Variants in DDX55 observed in about 807,000 individuals in gnomAD.
DDX55 encodes ATP-dependent RNA helicase DDX55.
In DDX55, 56 loss-of-function variants were observed where a neutral mutation model predicts 69.2. The ratio of observed to expected loss-of-function variants is 0.81; its 90% confidence interval spans 0.65 to 1.01. The LOEUF (loss-of-function observed/expected upper bound fraction) is 1.01, where lower values mean the gene tolerates loss of function less well. DDX55 is among the 50% of genes least tolerant of loss of function. DDX55 has a pLI of 0.00. For missense variants in DDX55, 720 were observed against 745.1 expected, an observed-to-expected ratio of 0.97 and a Z score of 0.39; for synonymous variants, 268 against 273.1, an observed-to-expected ratio of 0.98 and a Z score of 0.18.
intron 8 of DDX55, 52 bp downstream of exon 8, chr12:123,613,304 C>T: frequency 6.4e-7 from 1 of 1,564,902 alleles, no homozygotes; most frequent in Non-Finnish European, 8.8e-7. Flanking sequence ...CCAGAATGTG[C>T]AGGTGCATGC....
At position 123,620,576 on chromosome 12, in the gene DDX55, CATATT is replaced by C. The variant is rs1226138918; in HGVS notation, c.*441_*445del. On this transcript the variant is annotated 3_prime_UTR_variant, in exon 14 of 14. Transcript: ENST00000238146. Reference sequence around the variant, plus strand: ...GATGGGTCACATATAGACATATGTACATATTATATATATATATATATATATATATA... The same window carrying C: ...GATGGGTCACATATAGACATATGTACATATATATATATATATATATATATA... 4 of 59,644 alleles carry C rather than the reference CATATT, an allele frequency of 6.7e-5. No individual in the cohort carries two copies. Among genetic ancestry groups the C allele is most frequent in the Admixed American group, 2.2e-4 (1 of 4,566 alleles). The allele number at this position is 59,644 out of a possible 1,614,324, so 3.7% of individuals were successfully genotyped here. A position where few individuals can be genotyped will look rare whatever the true frequency, so the allele number is the denominator to read the frequency against.
chr12:123,620,096 A>G lies in DDX55; in HGVS notation c.1759A>G (p.Lys587Glu), dbSNP rs550255976. ...GTTGACAACTGGCAAAAGAACAATC[A>G]AGACAGTGGATTTAGGGATCTCAGA... ...GLLTTGKRTIKTVDLGISDLE... is the reference protein window; with the variant it reads ...GLLTTGKRTIETVDLGISDLE... The change falls in exon 14 of 14, where the codon AAG becomes GAG. Residue 587 changes from lysine to glutamate, a missense_variant. Lys to Glu is a moderately conservative substitution (Grantham distance 56). Transcript: ENST00000238146. 5 of 1,614,182 alleles carry G rather than the reference A, an allele frequency of 3.1e-6. No individual in the cohort carries two copies. In the East Asian group the frequency reaches 1.1e-4, roughly 36 times the overall value.
chr12:123,608,698 C>T lies in DDX55; in HGVS notation c.420C>T (p.Ala140=). The T allele has an allele frequency of 1.2e-6, 2 of 1,613,630 alleles. No homozygotes were observed. The highest frequency in any genetic ancestry group is 2.2e-5 in the South Asian group (2 of 91,034). Residue 140 remains alanine (A), a synonymous_variant, in exon 6 of 14, where the codon GCC becomes GCT. Coordinates refer to ENST00000238146, the MANE Select transcript of DDX55 (RefSeq NM_020936.3). The part of the protein sequence containing the change: ...FKQQGGNIIV[A]TPGRLEDMFR... Reference sequence around the variant, plus strand: ...TCCAAAGTGGGAACATCATTGTGGCCACTCCAGGCCGCTTGGAGGACATGT... The same window carrying T: ...TCCAAAGTGGGAACATCATTGTGGCTACTCCAGGCCGCTTGGAGGACATGT...
intron 7 of DDX55, among the ~76,000 whole-genome samples, chr12:123,612,119 A>ATGC (rs1954290532): frequency 6.6e-6 from 1 of 152,236 alleles, no homozygotes; most frequent in African/African-American, 2.4e-5. Flanking sequence ...TGCCAACATG[A>ATGC]TGCTGAGAGG....
Position 123,619,989 on chromosome 12 carries a change from T to G in DDX55, c.1652T>G (p.Met551Arg). The G allele has an allele frequency of 6.2e-7, 1 of 1,613,950 alleles. No individual in the cohort carries two copies. Among genetic ancestry groups the G allele is most frequent in the Non-Finnish European group, 8.5e-7 (1 of 1,179,954 alleles). ...EEGSDIEDED[M>R]EELLNDTRLL... ...GGTTCTGATATTGAAGATGAGGACATGGAAGAACTTCTTAATGACACAAGA... is the reference window on the plus strand; with the variant it reads ...GGTTCTGATATTGAAGATGAGGACAGGGAAGAACTTCTTAATGACACAAGA... Residue 551 changes from methionine (M) to arginine (R), a missense_variant, in exon 14 of 14, where the codon ATG becomes AGG. Physicochemically the swap from Met to Arg is moderately conservative, Grantham distance 91 (BLOSUM62 -1). Transcript: ENST00000238146.
intron 5 of DDX55, 52 bp from the exon 6 acceptor site, chr12:123,608,628 C>T (rs1954027526): frequency 6.3e-7 from 1 of 1,596,512 alleles, no homozygotes; most frequent in Non-Finnish European, 8.5e-7. Flanking sequence ...TAATCATCAA[C>T]CACATTCCCA....
At chr12:123,609,117 A>G (rs1954059295) in intron 6 of DDX55, among the ~76,000 whole-genome samples, 1 of 150,882 alleles carries the variant, frequency 6.6e-6, no homozygotes, top group Non-Finnish European at 1.5e-5. Context: ...CCATGCCTGG[A>G]TGGTTTTTTT....
Position 123,617,745 on chromosome 12 carries a change from T to C in DDX55, c.1050-13T>C. The C allele has an allele frequency of 6.2e-7, 1 of 1,604,596 alleles. No homozygotes were observed. Among genetic ancestry groups the C allele is most frequent in the Non-Finnish European group, 8.5e-7 (1 of 1,175,146 alleles). On this transcript the variant is annotated splice_polypyrimidine_tract_variant and intron_variant, in intron 10 of 13. Coordinates refer to ENST00000238146, the MANE Select transcript of DDX55 (RefSeq NM_020936.3). ...ATCACCTGGGTACCCATTTCCACCC[T>C]GTGTTCTCACAGTGCCTTCGTGCAT... is the stretch of plus-strand genomic sequence containing the variant.
intron 10 of DDX55, among the ~76,000 whole-genome samples, chr12:123,617,493 A>G (rs1399559313): frequency 6.6e-6 from 1 of 152,248 alleles, no homozygotes; most frequent in Non-Finnish European, 1.5e-5. Flanking sequence ...ACTGGGGACT[A>G]TGTCCCACCT....
chr12:123,611,169 G>A (rs1397856284), intron 7 of DDX55, among the ~76,000 whole-genome samples: 2 of 152,230 alleles, frequency 1.3e-5, no homozygotes, highest in African/African-American at 4.8e-5. Flanking sequence ...AAAGTGCTGG[G>A]ATTACAAGAA....
At chr12:123,617,419 CTCCTGAGGTTAT>C (rs1432912083) in intron 10 of DDX55, among the ~76,000 whole-genome samples, 9 of 152,204 alleles carry the variant, frequency 5.9e-5, no homozygotes, top group Non-Finnish European at 1.3e-4. Flanking sequence ...TTGATGATTA[CTCCTGAGGTTAT>C]TGGTCATTTT....
intron 9 of DDX55, among the ~76,000 whole-genome samples, chr12:123,615,999 G>C (rs192634867): frequency 7.8e-4 from 118 of 151,752 alleles, no homozygotes; most frequent in African/African-American, 2.3e-3. Flanking sequence ...AACAAACAAA[G>C]AAACAAAAAA....
At chr12:123,605,012 GTATTT>G (rs1953798181) in intron 1 of DDX55, 2 of 152,150 alleles carry the variant, frequency 1.3e-5, no homozygotes, top group Admixed American at 1.3e-4. Flanking sequence ...AACCCTGGTT[GTATTT>G]TATTTATTTA....
intron 7 of DDX55, among the ~76,000 whole-genome samples, chr12:123,610,889 C>T (rs1479339678): frequency 3.0e-5 from 4 of 133,076 alleles, no homozygotes; most frequent in East Asian, 2.0e-4. Flanking sequence ...CGCGCCCGGC[C>T]GTTTTTTTTT....
At chr12:123,602,338 C>A (rs1953614789) in intron 1 of DDX55, 82 bp downstream of exon 1, 1 of 1,285,186 alleles carries the variant, frequency 7.8e-7, no homozygotes, top group Non-Finnish European at 1.0e-6. Context: ...GGTGATCGGA[C>A]AGATCTGAGC....
intron 1 of DDX55, among the ~76,000 whole-genome samples, chr12:123,604,440 T>C (rs1953765462): frequency 6.6e-6 from 1 of 152,064 alleles, no homozygotes; most frequent in Non-Finnish European, 1.5e-5. Context: ...TTCCCGGGAA[T>C]GTGGAGAATG....
rs771539482 is a variant in DDX55 at position 123,618,673 on chromosome 12, C to T, written c.1169C>T (p.Pro390Leu). 4.3e-6 allele frequency: 7 copies of T among 1,613,696 alleles called. No homozygotes were observed. In the South Asian group the frequency reaches 7.7e-5, roughly 18 times the overall value. ...GTGGTATGTGTGTGTGTGTAGTGCC[C>T]CCTGCAGGAGATGAAGCCCCAGAGA... ...INFLAINQKC[P>L]LQEMKPQRNT... The change falls in exon 12 of 14, where the codon CCC becomes CTC. Residue 390 changes from proline to leucine, a missense_variant. Pro to Leu is a moderately conservative substitution (Grantham distance 98). Coordinates refer to ENST00000238146, the MANE Select transcript of DDX55 (RefSeq NM_020936.3).
chr12:123,612,352 G>A (rs1404183325), intron 7 of DDX55, among the ~76,000 whole-genome samples: 1 of 152,226 alleles, frequency 6.6e-6, no homozygotes, highest in Non-Finnish European at 1.5e-5. Flanking sequence ...AGAGATGGCT[G>A]AGTACATGAG....
intron 9 of DDX55, among the ~76,000 whole-genome samples, chr12:123,616,213 G>A (rs918397394): frequency 1.3e-5 from 2 of 152,154 alleles, no homozygotes; most frequent in African/African-American, 2.4e-5. Flanking sequence ...GGAGTGAATT[G>A]TCCGTTGTTT....
Sources: gnomAD v4.1 joint callset for allele counts (sites outside exome capture counted in the v4.1 genomes callset) on GRCh38, gnomAD v4.1.1 for gene constraint, MANE v1.5 for transcripts, NCBI Gene and HGNC (gene_info 2026-07-23, HGNC 2026-07-21) for gene names.